KANK1: variants seen among roughly 807,000 people sequenced by gnomAD.
The protein encoded by KANK1 is KN motif and ankyrin repeat domains 1.
A neutral mutation model predicts 106.2 loss-of-function variants in KANK1; 109 were observed. The observed-to-expected ratio is 1.03, with a 90% CI of 0.88 to 1.20. The LOEUF is 1.20. KANK1 is among the 50% of genes most tolerant of loss of function. The pLI is 0.00. For synonymous variants in KANK1, 873 were observed against 652.2 expected (o/e 1.34, Z -5.16); for missense variants, 2,399 against 1,710.7 (o/e 1.40, Z -7.10).
In KANK1 at chr9:744,369, G is replaced by A. The variant is rs569190541; in HGVS notation, c.3898-122G>A. On this transcript the variant is annotated intron_variant, in intron 10 of 11. Transcript: ENST00000382297. Reference sequence around the variant, plus strand: ...TCCCAAAAAAGTTTCCCAGAAGACCGAACGAGTAGGGATATTTGGGGAACC... The same window carrying A: ...TCCCAAAAAAGTTTCCCAGAAGACCAAACGAGTAGGGATATTTGGGGAACC... The A allele has an allele frequency of 1.6e-4, 182 of 1,156,178 alleles. 1 individual carries two copies. Among genetic ancestry groups the A allele is most frequent in the South Asian group, 1.2e-3 (72 of 59,946 alleles). The allele number at this position is 1,156,178 out of a possible 1,614,324, so 71.6% of individuals were successfully genotyped here.
chr9:732,448 G>A lies in KANK1; in HGVS notation c.3076G>A (p.Asp1026Asn). 6.2e-7 allele frequency: 1 copy of A among 1,614,158 alleles called. No homozygotes were observed. The highest frequency in any genetic ancestry group is 8.5e-7 in the Non-Finnish European group (1 of 1,180,016). ...TTCTTCCGAGTCAGATGACGAGTGTGATGTCATTGAGTATCCTCTTGAAGA... is the reference window on the plus strand; with the variant it reads ...TTCTTCCGAGTCAGATGACGAGTGTAATGTCATTGAGTATCCTCTTGAAGA... ...SSSSESDDECDVIEYPLEEEE... is the reference protein window; with the variant it reads ...SSSSESDDECNVIEYPLEEEE... Residue 1026 changes from aspartate to asparagine, a missense_variant, in exon 6 of 12, where the codon GAT becomes AAT. By Grantham distance (23) the Asp-to-Asn change is conservative. Transcript: ENST00000382297.
chr9:695,941 C>G (rs1821159257), intron 2 of KANK1, among the ~76,000 whole-genome samples: 1 of 152,120 alleles, frequency 6.6e-6, no homozygotes, highest in African/African-American at 2.4e-5. Context: ...CTTTACACTT[C>G]AGCAGATACT....
intron 1 of KANK1, among the ~76,000 whole-genome samples, chr9:666,954 G>A (rs1256915326): frequency 7.9e-6 from 1 of 126,148 alleles, no homozygotes; most frequent in Non-Finnish European, 1.6e-5. Context: ...TGGTATCAGG[G>A]TAATGCCCGC....
chr9:674,414 A>C (rs531167713), intron 1 of KANK1: 2 of 150,678 alleles, frequency 1.3e-5, no homozygotes, highest in South Asian at 4.2e-4. Flanking sequence ...AGAGAGAAAA[A>C]AGGGTCCTTT....
intron 1 of KANK1, among the ~76,000 whole-genome samples, chr9:640,648 C>T (rs575161375): frequency 1.3e-5 from 2 of 151,880 alleles, no homozygotes; most frequent in South Asian, 4.2e-4. Context: ...CCACCTGCCT[C>T]GGCCTCCCCA....
chr9:549,170 C>A (rs2061117730), intron 1 of KANK1: 1 of 151,804 alleles, frequency 6.6e-6, no homozygotes, highest in East Asian at 1.9e-4. Flanking sequence ...TTTATTTCTT[C>A]CTCACTCTTC....
At chr9:578,844 A>T (rs1208766375) in intron 1 of KANK1, among the ~76,000 whole-genome samples, 1 of 152,172 alleles carries the variant, frequency 6.6e-6, no homozygotes, top group Non-Finnish European at 1.5e-5. Flanking sequence ...TTTAACTTTT[A>T]TTTGAAATGT....
At chr9:627,643 A>T (rs183326164) in intron 1 of KANK1, among the ~76,000 whole-genome samples, 1 of 152,342 alleles carries the variant, frequency 6.6e-6, no homozygotes, top group African/African-American at 2.4e-5. Context: ...TCAGTCTGCT[A>T]TTTTGAAAGC....
In KANK1 at chr9:603,394, A is replaced by G. The variant is rs973507129; in HGVS notation, c.-83-73496A>G. On this transcript the variant is annotated intron_variant, in intron 1 of 11. Transcript: ENST00000382297. ...TGAAGTAGCTTTGATAGCTAATCATAGTATGATAACTCAGCCAGAAGAATT... is the reference window on the plus strand; with the variant it reads ...TGAAGTAGCTTTGATAGCTAATCATGGTATGATAACTCAGCCAGAAGAATT... Among the ~76,000 whole-genome samples, 12 of 151,854 alleles carry G rather than the reference A, an allele frequency of 7.9e-5. 1 individual carries two copies. Among genetic ancestry groups the G allele is most frequent in the Admixed American group, 6.5e-4 (10 of 15,280 alleles).
At chr9:609,136 A>G (rs774547331) in intron 1 of KANK1, among the ~76,000 whole-genome samples, 1 of 152,148 alleles carries the variant, frequency 6.6e-6, no homozygotes, top group Non-Finnish European at 1.5e-5. Context: ...AAGATTGTCC[A>G]TAAATAGCAA....
At chr9:659,016 T>TC (rs1234852479) in intron 1 of KANK1, among the ~76,000 whole-genome samples, 1 of 152,124 alleles carries the variant, frequency 6.6e-6, no homozygotes, top group African/African-American at 2.4e-5. Context: ...CCTGTTTTTT[T>TC]CTCCTTCGTA....
At chr9:731,089 A>T in intron 4 of KANK1, 69 bp from the exon 5 acceptor site, 1 of 806,920 alleles carries the variant, frequency 1.2e-6, no homozygotes. Context: ...AAAGAACTGT[A>T]CAGGAAAAAA....
intron 1 of KANK1, among the ~76,000 whole-genome samples, chr9:585,483 G>A (rs1234357775): frequency 2.0e-5 from 3 of 152,130 alleles, no homozygotes; most frequent in African/African-American, 4.8e-5. Flanking sequence ...AATAAAAGAC[G>A]CTTACCTTAA....
chr9:635,015 G>C lies in KANK1; in HGVS notation c.-83-41875G>C, dbSNP rs367988158. Reference sequence around the variant, plus strand: ...AGGAAACATTTCCAGACGCACCCTAGAGAACATCTTACATTTCACTGACCA... The same window carrying C: ...AGGAAACATTTCCAGACGCACCCTACAGAACATCTTACATTTCACTGACCA... On this transcript the variant is annotated intron_variant, in intron 1 of 11. Coordinates refer to ENST00000382297, the MANE Select transcript of KANK1 (RefSeq NM_015158.5). 2.6e-4 allele frequency among the ~76,000 whole-genome samples: 39 copies of C among 152,268 alleles called. 1 individual carries two copies. In the East Asian group the frequency reaches 4.6e-3, roughly 18 times the overall value.
At chr9:648,041 G>A (rs936803785) in intron 1 of KANK1, among the ~76,000 whole-genome samples, 3 of 136,712 alleles carry the variant, frequency 2.2e-5, no homozygotes, top group African/African-American at 3.0e-5. Flanking sequence ...TTGCTCTGTC[G>A]CCAGGCTGGA....
chr9:477,053 A>C (rs2058117208), intron 3 of KANK1, among the ~76,000 whole-genome samples: 1 of 152,230 alleles, frequency 6.6e-6, no homozygotes, highest in Non-Finnish European at 1.5e-5. Flanking sequence ...TTTGTCTGAT[A>C]CTAAGAGCCA....
chr9:669,253 C>G (rs1588742872), intron 1 of KANK1, among the ~76,000 whole-genome samples: 1 of 152,204 alleles, frequency 6.6e-6, no homozygotes, highest in East Asian at 1.9e-4. Context: ...CTGCACATGA[C>G]AATTAGAGTA....
chr9:529,312 C>G (rs1027983932), intron 1 of KANK1, among the ~76,000 whole-genome samples: 2 of 148,522 alleles, frequency 1.3e-5, no homozygotes, highest in Non-Finnish European at 3.0e-5. Context: ...TTTTTTGAGA[C>G]GGAGTCTTGC....
At chr9:673,013 T>C (rs945921454) in intron 1 of KANK1, among the ~76,000 whole-genome samples, 1 of 152,138 alleles carries the variant, frequency 6.6e-6, no homozygotes, top group African/African-American at 2.4e-5. Flanking sequence ...GAATGGACTG[T>C]GGCCAAACCT....
Sources: gnomAD v4.1 joint callset for allele counts (sites outside exome capture counted in the v4.1 genomes callset) on GRCh38, gnomAD v4.1.1 for gene constraint, MANE v1.5 for transcripts, NCBI Gene and HGNC (gene_info 2026-07-23, HGNC 2026-07-21) for gene names.